Variants in FRMD4B observed in about 807,000 individuals in gnomAD.
FRMD4B encodes FERM domain containing 4B, also known as FERM domain-containing protein 4B.
Under a neutral mutation model 141.5 loss-of-function variants are expected in FRMD4B, and 74 were observed. The observed-to-expected ratio is 0.52, with a 90% CI of 0.43 to 0.63. FRMD4B has a LOEUF of 0.63. Among genes scored for constraint, FRMD4B ranks in the 30% least tolerant of loss-of-function variants. FRMD4B has a pLI of 0.00. For synonymous variants in FRMD4B, 506 were observed against 467.9 expected, an observed-to-expected ratio of 1.08 and a Z score of -1.05; for missense variants, 1,366 against 1,253.4, an observed-to-expected ratio of 1.09 and a Z score of -1.36.
intron 1 of FRMD4B, among the ~76,000 whole-genome samples, chr3:69,355,699 AG>A (rs1289842931): frequency 6.6e-6 from 1 of 152,132 alleles, no homozygotes; most frequent in Non-Finnish European, 1.5e-5. Context: ...TTATGGTGTG[AG>A]AACACATAGA....
chr3:69,497,713 T>C (rs1365478546), intron 1 of FRMD4B, among the ~76,000 whole-genome samples: 1 of 152,150 alleles, frequency 6.6e-6, no homozygotes, highest in Non-Finnish European at 1.5e-5. Context: ...AGTGCCCTCA[T>C]GGAACTTTTT....
rs1242518307 is a variant in FRMD4B, at chr3:69,181,082, T to G, written c.2668A>C (p.Ile890Leu). Residue 890 changes from isoleucine (I) to leucine (L), a missense_variant, in exon 21 of 23, where the codon ATC becomes CTC. Transcript: ENST00000398540. ...AAKSEHITKN[I>L]HKALVAEHLR... The stretch of plus-strand genomic sequence containing the variant: ...TGCTCGGCAACTAAGGCCTTGTGGA[T>G]GTTTTTGGTGATGTGCTCCGATTTT... The G allele has an allele frequency of 6.2e-7, 1 of 1,613,900 alleles. No individual in the cohort carries two copies. Among genetic ancestry groups the G allele is most frequent in the Non-Finnish European group, 8.5e-7 (1 of 1,179,898 alleles).
intron 1 of FRMD4B, among the ~76,000 whole-genome samples, chr3:69,516,528 C>A (rs1365235283): frequency 6.6e-6 from 1 of 152,130 alleles, no homozygotes; most frequent in East Asian, 1.9e-4. Context: ...ACAGGTTTTC[C>A]CCCTGGAACT....
chr3:69,175,002 T>C (rs574800690), intron 22 of FRMD4B, among the ~76,000 whole-genome samples: 27 of 152,300 alleles, frequency 1.8e-4, no homozygotes, highest in African/African-American at 6.5e-4. Flanking sequence ...ATTTTGAGTA[T>C]AGCCTTTGTT....
chr3:69,225,237 C>T (rs934506417), intron 7 of FRMD4B, among the ~76,000 whole-genome samples: 9 of 152,092 alleles, frequency 5.9e-5, no homozygotes, highest in South Asian at 2.1e-4. Context: ...GACTGGAAAA[C>T]GTGTTTCTAA....
At chr3:69,242,822 G>A (rs112869627) in intron 7 of FRMD4B, among the ~76,000 whole-genome samples, 4 of 151,170 alleles carry the variant, frequency 2.6e-5, no homozygotes, top group Non-Finnish European at 5.9e-5. Context: ...GTGAAACCCC[G>A]TCTCTACTAA....
intron 16 of FRMD4B, among the ~76,000 whole-genome samples, chr3:69,194,228 ATCT>A (rs1322445064): frequency 1.3e-5 from 2 of 152,186 alleles, no homozygotes; most frequent in African/African-American, 4.8e-5. Flanking sequence ...TTTGGGTTTG[ATCT>A]TCTTCCTGGT....
At chr3:69,246,480 C>T (rs1411335362) in intron 7 of FRMD4B, among the ~76,000 whole-genome samples, 2 of 151,976 alleles carry the variant, frequency 1.3e-5, no homozygotes, top group Non-Finnish European at 2.9e-5. Context: ...CAAAATAAAA[C>T]AAAAGAAAAA....
At chr3:69,493,378 G>T (rs1376238053) in intron 1 of FRMD4B, among the ~76,000 whole-genome samples, 1 of 152,184 alleles carries the variant, frequency 6.6e-6, no homozygotes, top group Non-Finnish European at 1.5e-5. Flanking sequence ...ATAGGGAGTG[G>T]TGGGGCTTAC....
chr3:69,309,644 C>G (rs1347583111), intron 3 of FRMD4B, among the ~76,000 whole-genome samples: 1 of 147,480 alleles, frequency 6.8e-6, no homozygotes, highest in Admixed American at 6.8e-5. Context: ...ATGGGGTCTC[C>G]CTATGTTACC....
chr3:69,266,771 A>G (rs187264117), intron 5 of FRMD4B, among the ~76,000 whole-genome samples: 132 of 152,362 alleles, frequency 8.7e-4, no homozygotes, highest in Admixed American at 1.6e-3. Flanking sequence ...AGGTAAGATC[A>G]CCACTGGAGG....
rs527271625 is a variant in FRMD4B at position 69,385,918 on chromosome 3, G to A, written c.72C>T (p.Thr24=). 3 of 1,605,128 alleles carry A rather than the reference G, an allele frequency of 1.9e-6. No homozygotes were observed. In the Admixed American group the frequency reaches 5.1e-5, roughly 27 times the overall value. The change falls in exon 1 of 23, where the codon ACC becomes ACT. Residue 24 remains threonine (T), a synonymous_variant. Transcript: ENST00000398540. ...TGTACCATCTCCGCAGCGTGGACAC[G>A]GTCAAGTTCCATACGAAGCGGCTGC... is the stretch of plus-strand genomic sequence containing the variant. ...FSGSRFVWNL[T]VSTLRRWYTE... is the part of the protein sequence containing the mutation.
intron 17 of FRMD4B, among the ~76,000 whole-genome samples, chr3:69,191,811 G>A (rs1489399300): frequency 6.6e-6 from 1 of 152,106 alleles, no homozygotes; most frequent in Admixed American, 6.5e-5. Context: ...ATATCTGTAG[G>A]TCCAGAAATT....
intron 19 of FRMD4B, among the ~76,000 whole-genome samples, chr3:69,185,816 C>T (rs949053773): frequency 2.0e-5 from 3 of 151,978 alleles, no homozygotes; most frequent in African/African-American, 7.3e-5. Context: ...CCGAAGTGGG[C>T]GGATCACCTG....
In FRMD4B at chr3:69,176,514, G is replaced by A. The variant is rs767736684; in HGVS notation, c.2984+10C>T. 6.2e-7 allele frequency: 1 copy of A among 1,606,450 alleles called. No individual in the cohort carries two copies. Among genetic ancestry groups the A allele is most frequent in the South Asian group, 1.1e-5 (1 of 90,624 alleles). On this transcript the variant is annotated intron_variant, in intron 22 of 22. Coordinates refer to ENST00000398540, the MANE Select transcript of FRMD4B (RefSeq NM_015123.3). The stretch of plus-strand genomic sequence containing the variant: ...CAGGCTCCTAGGATTTTCGAGCATT[G>A]CTTCCTCACCTGCTTGGAGAGGGTA...
rs751918469 is a variant in FRMD4B, at chr3:69,181,162, T to A, written c.2588A>T (p.Asp863Val). 6.2e-7 allele frequency: 1 copy of A among 1,613,974 alleles called. No homozygotes were observed. The highest frequency in any genetic ancestry group is 8.5e-7 in the Non-Finnish European group (1 of 1,179,884). Residue 863 changes from aspartate (D) to valine (V), a missense_variant, in exon 21 of 23, where the codon GAC becomes GTC. Asp to Val is a radical substitution (Grantham distance 152, BLOSUM62 -3). Coordinates refer to ENST00000398540, the MANE Select transcript of FRMD4B (RefSeq NM_015123.3). ...TGCATATGGGTTATGGGGTACCCGG[T>A]CGACCTCATCTTCGTGAAAGGATCT... is the stretch of plus-strand genomic sequence containing the variant. ...YSRSFHEDEV[D>V]RVPHNPYATL...
In FRMD4B at chr3:69,289,692, C is replaced by T. The variant is rs146326011; in HGVS notation, c.417-1856G>A. The stretch of plus-strand genomic sequence containing the variant: ...CGGGCACCTGTAATCTCAGCTACTC[C>T]GGAGGCTGGGGGAGGAGAATCACTT... On this transcript the variant is annotated intron_variant, in intron 4 of 22. Coordinates refer to ENST00000398540, the MANE Select transcript of FRMD4B (RefSeq NM_015123.3). 6.6e-5 allele frequency among the ~76,000 whole-genome samples: 10 copies of T among 152,134 alleles called. No homozygotes were observed. The East Asian group carries it at 7.7e-4, about 12-fold the overall frequency.
intron 16 of FRMD4B, among the ~76,000 whole-genome samples, chr3:69,194,074 C>T (rs909687235): frequency 6.6e-6 from 1 of 152,224 alleles, no homozygotes; most frequent in Non-Finnish European, 1.5e-5. Flanking sequence ...TAGTCCAAAC[C>T]TCTTCCCTTT....
At chr3:69,210,088 C>G (rs2093061077) in intron 11 of FRMD4B, among the ~76,000 whole-genome samples, 1 of 152,160 alleles carries the variant, frequency 6.6e-6, no homozygotes, top group Non-Finnish European at 1.5e-5. Context: ...GAGACAGAAA[C>G]AGAAAGCTAA....
Sources: allele counts gnomAD v4.1 joint callset (sites outside exome capture counted in the v4.1 genomes callset), GRCh38; gene constraint gnomAD v4.1.1; transcripts MANE v1.5; gene names NCBI Gene and HGNC (gene_info 2026-07-23, HGNC 2026-07-21).